C1R: variants seen among roughly 807,000 people sequenced by gnomAD.
C1R encodes the protein complement C1r subcomponent.
Under a neutral mutation model 27.6 loss-of-function variants are expected in C1R, and 15 were observed. That is an observed-to-expected ratio of 0.54 (90% confidence interval 0.36 to 0.84). The LOEUF (loss-of-function observed/expected upper bound fraction) is 0.84. C1R is among the 40% of genes least tolerant of loss of function. C1R has a pLI of 0.01. For synonymous variants in C1R, 253 were observed against 228.8 expected, an observed-to-expected ratio of 1.11 and a Z score of -0.95; for missense variants, 544 against 577.9, an observed-to-expected ratio of 0.94 and a Z score of 0.60.
chr12:7,082,174 G>A, intron 9 of C1R, 68 bp from the exon 10 acceptor site: 1 of 871,272 alleles, frequency 1.1e-6, no homozygotes, highest in Non-Finnish European at 1.9e-6. Context: ...GCAGAGGCCA[G>A]CAAGTACTGA....
Position 7,091,585 on chromosome 12 carries a change from A to T in C1R, c.98T>A (p.Leu33Gln), listed in dbSNP as rs757190102. The change falls in exon 2 of 11, where the codon CTG (leucine) becomes CAG (glutamine). Residue 33 changes from leucine (L) to glutamine (Q), a missense_variant. This residue lies in a region of C1R where 291 missense variants were observed against 209.0 expected (regional missense o/e 1.39). Coordinates refer to ENST00000647956, the MANE Select transcript of C1R (RefSeq NM_001733.7). This position sits in a 1 kb window ranked among gnomAD's most constrained non-coding sequence, Gnocchi z 5.1. ...GTTGTTGGGGTAAGGCTTGGGGAAC[A>T]GAGGGGAAGTCACCTCCCCAAATAA... ...QKLFGEVTSP[L>Q]FPKPYPNNFE... 1.3e-6 allele frequency: 1 copy of T among 773,100 alleles called. No homozygotes were observed. The highest frequency in any genetic ancestry group is 2.4e-5 in the East Asian group (1 of 41,030). 47.9% of individuals were successfully genotyped at this position (773,100 alleles called of 1,614,324 possible).
intron 2 of C1R, among the ~76,000 whole-genome samples, chr12:7,090,751 G>C (rs755172669): frequency 6.6e-6 from 1 of 152,058 alleles, no homozygotes; most frequent in Non-Finnish European, 1.5e-5. Context: ...GCACTGCCTC[G>C]TCCCTCTTCC....
Position 7,080,517 on chromosome 12 carries a change from T to C in C1R, c.*15A>G, listed in dbSNP as rs759432388. Reference sequence around the variant, plus strand: ...CCACACTGCTCTCTGGATTCGAACCTAGTGAATTCTGGGCTCAGTCCTCCT... The same window carrying C: ...CCACACTGCTCTCTGGATTCGAACCCAGTGAATTCTGGGCTCAGTCCTCCT... On this transcript the variant is annotated 3_prime_UTR_variant, in exon 11 of 11. Transcript: ENST00000647956. This position sits in a 1 kb window ranked among gnomAD's most constrained non-coding sequence, Gnocchi z 4.9. The C allele has an allele frequency of 1.3e-6, 2 of 1,531,636 alleles. No homozygotes were observed. Among genetic ancestry groups the C allele is most frequent in the East Asian group, 2.3e-5 (1 of 44,118 alleles). 94.9% of individuals were successfully genotyped at this position (1,531,636 alleles called of 1,614,324 possible).
chr12:7,080,435 A>C lies in C1R; in HGVS notation c.*97T>G, dbSNP rs1225310113. ...ACGGTCTTTCTGCATCAGTAATTTTAATAGAGACTCTTAGTGGTTATCAAC... is the reference window on the plus strand; with the variant it reads ...ACGGTCTTTCTGCATCAGTAATTTTCATAGAGACTCTTAGTGGTTATCAAC... On this transcript the variant is annotated 3_prime_UTR_variant, in exon 11 of 11. Transcript: ENST00000647956. The surrounding 1 kb of genome is among the most constrained non-coding windows in gnomAD (Gnocchi z 4.9). 7.4e-6 allele frequency: 11 copies of C among 1,479,232 alleles called. No individual in the cohort carries two copies. The highest frequency in any genetic ancestry group is 9.9e-6 in the Non-Finnish European group (11 of 1,116,406). The allele number at this position is 1,479,232 out of a possible 1,614,324, so 91.6% of individuals were successfully genotyped here.
chr12:7,090,155 C>T lies in C1R; in HGVS notation c.325G>A (p.Gly109Arg), dbSNP rs750849894. Residue 109 changes from glycine (G) to arginine (R), a missense_variant, in exon 3 of 11, where the codon GGG (glycine) becomes AGG (arginine). Coordinates refer to ENST00000647956, the MANE Select transcript of C1R (RefSeq NM_001733.7). ...TGGAAGGTCAGCAGCATCTTGTTCCCTTGGGACATAAATTCCTTCTTTCCC... is the reference window on the plus strand; with the variant it reads ...TGGAAGGTCAGCAGCATCTTGTTCCTTTGGGACATAAATTCCTTCTTTCCC... ...PPGKKEFMSQ[G>R]NKMLLTFHTD... 2 of 772,480 alleles carry T rather than the reference C, an allele frequency of 2.6e-6. No individual in the cohort carries two copies. The highest frequency in any genetic ancestry group is 1.4e-5 in the South Asian group (1 of 72,934). The allele number at this position is 772,480 out of a possible 1,614,324, so 47.9% of individuals were successfully genotyped here.
chr12:7,088,013 C>T (rs1938180962), intron 7 of C1R, among the ~76,000 whole-genome samples: 4 of 152,066 alleles, frequency 2.6e-5, no homozygotes, highest in African/African-American at 7.2e-5. Context: ...TCTGCAGAGC[C>T]GAGGACAGGA....
At chr12:7,088,171 G>A (rs1938184430) in intron 7 of C1R, among the ~76,000 whole-genome samples, 1 of 152,128 alleles carries the variant, frequency 6.6e-6, no homozygotes, top group Non-Finnish European at 1.5e-5. Flanking sequence ...AGTTCCTTCA[G>A]CTCTCTTGAG....
At chr12:7,089,071 T>C in intron 5 of C1R, 85 bp from the exon 6 acceptor site, 1 of 641,612 alleles carries the variant, frequency 1.6e-6, no homozygotes, top group Non-Finnish European at 2.8e-6. Context: ...GCCAGGGTGG[T>C]GGTGGTGGTG....
chr12:7,082,121 G>C lies in C1R; in HGVS notation c.1274-15C>G. The C allele has an allele frequency of 6.9e-7, 1 of 1,439,466 alleles. No homozygotes were observed. 89.2% of individuals were successfully genotyped at this position (1,439,466 alleles called of 1,614,324 possible). ...GGTGTACACCCCTGAGGGCAGAGGAGGCAAGAATCAAGTTGGGGGGTGATG... is the reference window on the plus strand; with the variant it reads ...GGTGTACACCCCTGAGGGCAGAGGACGCAAGAATCAAGTTGGGGGGTGATG... On this transcript the variant is annotated splice_polypyrimidine_tract_variant and intron_variant, in intron 9 of 10. Transcript: ENST00000647956.
intron 9 of C1R, among the ~76,000 whole-genome samples, chr12:7,085,023 ATGG>A (rs1442576639): frequency 3.9e-5 from 5 of 129,104 alleles, no homozygotes; most frequent in African/African-American, 9.4e-5. Flanking sequence ...GGTGTTGGTA[ATGG>A]TGGTGGTGAT....
intron 1 of C1R, 127 bp downstream of exon 1, chr12:7,092,260 G>T (rs1938294544): frequency 1.3e-6 from 1 of 753,462 alleles, no homozygotes; most frequent in Admixed American, 1.8e-5. Context: ...GTCCACGCGT[G>T]TGCACAGTGG....
rs1274406964 is a variant in C1R, at chr12:7,081,220, C to T, written c.1430G>A (p.Trp477Ter). Reference sequence around the variant, plus strand: ...CCCGTGGATGTTGGTGAACACCTGCCAGGGGAAGTTGCCCATCTTGGCTTT... The same window carrying T: ...CCCGTGGATGTTGGTGAACACCTGCTAGGGGAAGTTGCCCATCTTGGCTTT... ...GQKAKMGNFP[W>*]QVFTNIHGRG... The change falls in exon 11 of 11, where the codon TGG becomes TAG. Residue 477 changes from tryptophan (W) to a stop codon, truncating the protein, a stop_gained. Coordinates refer to ENST00000647956, the MANE Select transcript of C1R (RefSeq NM_001733.7). LOFTEE classifies it low-confidence loss of function (END_TRUNC). 6.2e-7 allele frequency: 1 copy of T among 1,613,372 alleles called. No individual in the cohort carries two copies.
chr12:7,089,000 AG>A lies in C1R; in HGVS notation c.769-15del. 2 of 692,384 alleles carry A rather than the reference AG, an allele frequency of 2.9e-6. No individual in the cohort carries two copies. The allele number at this position is 692,384 out of a possible 1,614,324, so 42.9% of individuals were successfully genotyped here. A position where few individuals can be genotyped will look rare whatever the true frequency, so the allele number is the denominator to read the frequency against. On this transcript the variant is annotated splice_polypyrimidine_tract_variant and intron_variant, in intron 5 of 10. Coordinates refer to ENST00000647956, the MANE Select transcript of C1R (RefSeq NM_001733.7). ...GTTGGCATAGATCTAGTAGGGGAGG[AG>A]GGTTTTTTTTTTTCAGCTTGGACGT... is the stretch of plus-strand genomic sequence containing the variant.
Position 7,089,669 on chromosome 12 carries a change from G to A in C1R, c.489C>T (p.His163=), listed in dbSNP as rs1429943950. ...GEEDPQPQCQ[H]LCHNYVGGYF... ...AGCCTCCAACGTAGTTGTGACACAG[G>A]TGCTGGCACTGGGGCTGGGGATCCT... Residue 163 remains histidine, a synonymous_variant, in exon 4 of 11, where the codon CAC becomes CAT. Coordinates refer to ENST00000647956, the MANE Select transcript of C1R (RefSeq NM_001733.7). 2 of 780,814 alleles carry A rather than the reference G, an allele frequency of 2.6e-6. No homozygotes were observed. The highest frequency in any genetic ancestry group is 4.8e-6 in the Non-Finnish European group (2 of 418,008). The allele number at this position is 780,814 out of a possible 1,614,324, so 48.4% of individuals were successfully genotyped here.
At position 7,082,084 on chromosome 12, in the gene C1R, C is replaced by A. The variant is rs1938074058; in HGVS notation, c.1296G>T (p.Gln432His). ...CCTTCTGTTCATTCTTCCAAATGCC[C>A]TGTGCTGTGCAGGTGTACACCCCTG... is the stretch of plus-strand genomic sequence containing the variant. ...SEQGVYTCTA[Q>H]GIWKNEQKGE... is the part of the protein sequence containing the mutation. The change falls in exon 10 of 11, where the codon CAG becomes CAT. Residue 432 changes from glutamine to histidine, a missense_variant. Gln to His is a conservative substitution (Grantham distance 24). Transcript: ENST00000647956. The A allele has an allele frequency of 2.6e-6, 4 of 1,535,766 alleles. No individual in the cohort carries two copies. In the East Asian group the frequency reaches 9.8e-5, roughly 38 times the overall value.
intron 9 of C1R, among the ~76,000 whole-genome samples, chr12:7,083,376 CAGT>C: frequency 6.6e-6 from 1 of 150,696 alleles, no homozygotes; most frequent in East Asian, 2.0e-4. Flanking sequence ...ATGGTGGTGA[CAGT>C]GGTGTTGGTA....
In C1R at chr12:7,090,756, T is replaced by C. The variant is rs767900063; in HGVS notation, c.232-508A>G. Among the ~76,000 whole-genome samples the C allele has an allele frequency of 2.0e-3, 297 of 152,230 alleles. 1 individual carries two copies. The Middle Eastern group carries it at 0.041, about 21-fold the overall frequency. On this transcript the variant is annotated intron_variant, in intron 2 of 10. Transcript: ENST00000647956. ...GTGTCAGCAGGCACTGCCTCGTCCC[T>C]CTTCCTTCCTCCTCACAGCCTCCTC...
chr12:7,081,173 C>T lies in C1R; in HGVS notation c.1477G>A (p.Gly493Ser), dbSNP rs778399208. Reference sequence around the variant, plus strand: ...GCAGCTGTGAGGATCCAGCGGTCGCCCAGCAGGGCCCCGCCCCCGCGCCCG... The same window carrying T: ...GCAGCTGTGAGGATCCAGCGGTCGCTCAGCAGGGCCCCGCCCCCGCGCCCG... Reference protein sequence around the residue: ...IHGRGGGALLGDRWILTAAHT... With the variant: ...IHGRGGGALLSDRWILTAAHT... The change falls in exon 11 of 11, where the codon GGC (glycine) becomes AGC (serine). Residue 493 changes from glycine (G) to serine (S), a missense_variant. By Grantham distance (56) the Gly-to-Ser change is moderately conservative (BLOSUM62 0). Coordinates refer to ENST00000647956, the MANE Select transcript of C1R (RefSeq NM_001733.7). 1.9e-6 allele frequency: 3 copies of T among 1,613,950 alleles called. No homozygotes were observed. In the South Asian group the frequency reaches 3.3e-5, roughly 18 times the overall value.
intron 9 of C1R, among the ~76,000 whole-genome samples, chr12:7,082,595 T>C (rs1299343415): frequency 2.6e-5 from 4 of 152,278 alleles, no homozygotes; most frequent in Admixed American, 1.3e-4. Context: ...TCTCCCAAAG[T>C]GCTGGGATTA....
Sources: allele counts gnomAD v4.1 joint callset (sites outside exome capture counted in the v4.1 genomes callset), GRCh38; gene constraint gnomAD v4.1.1; regional missense constraint gnomAD v4.1.1; non-coding constraint Gnocchi (gnomAD v3.1); transcripts MANE v1.5; gene names NCBI Gene and HGNC (gene_info 2026-07-23, HGNC 2026-07-21).